Variants in SPAG16 observed in about 807,000 individuals in gnomAD.
SPAG16 encodes the protein sperm-associated antigen 16 protein.
SPAG16 carries 86 observed loss-of-function variants against 80.4 expected under a neutral mutation model. The observed-to-expected ratio is 1.07, with a 90% CI of 0.90 to 1.28. SPAG16 has a LOEUF of 1.28. Among genes scored for constraint, SPAG16 ranks in the 50% most tolerant of loss-of-function variants. The pLI is 0.00. For synonymous variants in SPAG16, 294 were observed against 265.9 expected (o/e 1.11, Z -1.03); for missense variants, 870 against 765.3 (o/e 1.14, Z -1.61).
At chr2:213,432,443 C>T (rs770609692) in intron 9 of SPAG16, among the ~76,000 whole-genome samples, 167 of 151,970 alleles carry the variant, frequency 1.1e-3, no homozygotes, top group Non-Finnish European at 1.9e-3. Context: ...AAAAGATCAC[C>T]GGAGACAACC....
chr2:214,264,144 C>T (rs1298014717), intron 15 of SPAG16, among the ~76,000 whole-genome samples: 1 of 152,186 alleles, frequency 6.6e-6, no homozygotes, highest in East Asian at 1.9e-4. Flanking sequence ...TCTGCCTATA[C>T]TCCCACCCAT....
At chr2:214,165,257 C>G (rs1159386916) in intron 15 of SPAG16, among the ~76,000 whole-genome samples, 1 of 151,832 alleles carries the variant, frequency 6.6e-6, no homozygotes, top group African/African-American at 2.4e-5. Flanking sequence ...GAGTATTTTG[C>G]TTATTCTTTC....
intron 11 of SPAG16, among the ~76,000 whole-genome samples, chr2:213,879,169 T>C (rs180822000): frequency 6.6e-6 from 1 of 152,200 alleles, no homozygotes; most frequent in East Asian, 1.9e-4. Flanking sequence ...TAGGATTTTT[T>C]TTTCTAATTC....
chr2:213,889,646 C>CATATATAT, intron 11 of SPAG16, among the ~76,000 whole-genome samples: 1 of 149,342 alleles, frequency 6.7e-6, no homozygotes, highest in Admixed American at 6.8e-5. Flanking sequence ...TATACACACA[C>CATATATAT]ACATATATAC....
intron 13 of SPAG16, among the ~76,000 whole-genome samples, chr2:214,057,652 C>A (rs2050015496): frequency 6.6e-6 from 1 of 152,174 alleles, no homozygotes; most frequent in Non-Finnish European, 1.5e-5. Flanking sequence ...TCCTCTGAAG[C>A]TTTGAAGCCA....
intron 10 of SPAG16, among the ~76,000 whole-genome samples, chr2:213,540,843 C>G (rs2076420349): frequency 6.6e-6 from 1 of 152,200 alleles, no homozygotes; most frequent in African/African-American, 2.4e-5. Context: ...AAATGCCAGA[C>G]AGAACAGGAA....
chr2:213,454,181 C>T (rs1222173508), intron 9 of SPAG16, among the ~76,000 whole-genome samples: 2 of 152,070 alleles, frequency 1.3e-5, no homozygotes, highest in African/African-American at 2.4e-5. Context: ...TTTCTCTCTT[C>T]TCTATGTAGA....
At chr2:214,233,334 A>G (rs951817784) in intron 15 of SPAG16, among the ~76,000 whole-genome samples, 4 of 144,710 alleles carry the variant, frequency 2.8e-5, no homozygotes, top group African/African-American at 1.0e-4. Context: ...TCTCAGTAAA[A>G]ATAGATAATA....
chr2:213,635,324 C>T (rs1444688771), intron 10 of SPAG16, among the ~76,000 whole-genome samples: 28 of 152,246 alleles, frequency 1.8e-4, no homozygotes, highest in South Asian at 2.1e-4. Flanking sequence ...CGTGAGCCAC[C>T]ATGCCCAGCC....
At chr2:214,268,094 A>G (rs1266732547) in intron 15 of SPAG16, among the ~76,000 whole-genome samples, 1 of 151,864 alleles carries the variant, frequency 6.6e-6, no homozygotes, top group African/African-American at 2.4e-5. Context: ...CTCTAATTAT[A>G]AGAGAAATGT....
At chr2:213,582,816 G>A (rs967644897) in intron 10 of SPAG16, among the ~76,000 whole-genome samples, 3 of 152,060 alleles carry the variant, frequency 2.0e-5, no homozygotes, top group Non-Finnish European at 4.4e-5. Context: ...TAAATAGAAT[G>A]TTCATTTTTA....
At chr2:213,476,435 G>A (rs1372596986) in intron 9 of SPAG16, among the ~76,000 whole-genome samples, 2 of 152,172 alleles carry the variant, frequency 1.3e-5, no homozygotes, top group African/African-American at 2.4e-5. Context: ...GAGGGTGAAG[G>A]GGGATTGACA....
At chr2:214,041,991 TATATATATATATATATAC>T (rs1343852473) in intron 13 of SPAG16, among the ~76,000 whole-genome samples, 6 of 127,268 alleles carry the variant, frequency 4.7e-5, no homozygotes, top group East Asian at 5.8e-4. Context: ...TATATATATA[TATATATATATATATATAC>T]ACACACACAC....
At chr2:214,271,842 A>ACCC (rs201033653) in intron 15 of SPAG16, among the ~76,000 whole-genome samples, 44 of 135,682 alleles carry the variant, frequency 3.2e-4, no homozygotes, top group Non-Finnish European at 5.7e-4. Context: ...ACTGTGGGAA[A>ACCC]CCCCCCCCCC....
chr2:213,616,910 T>C (rs1016577398), intron 10 of SPAG16, among the ~76,000 whole-genome samples: 1 of 152,162 alleles, frequency 6.6e-6, no homozygotes, highest in Non-Finnish European at 1.5e-5. Flanking sequence ...TGGAGTTACC[T>C]TGGGGTCTAG....
At chr2:213,581,144 C>T (rs991760693) in intron 10 of SPAG16, among the ~76,000 whole-genome samples, 5 of 152,070 alleles carry the variant, frequency 3.3e-5, no homozygotes, top group Non-Finnish European at 7.4e-5. Flanking sequence ...AGTAACTATG[C>T]TATAATGATC....
At chr2:213,573,140 C>T (rs2059985440) in intron 10 of SPAG16, among the ~76,000 whole-genome samples, 1 of 152,174 alleles carries the variant, frequency 6.6e-6, no homozygotes, top group African/African-American at 2.4e-5. Context: ...CACTGTCTGG[C>T]ACTCCCTAGT....
intron 15 of SPAG16, among the ~76,000 whole-genome samples, chr2:214,363,562 A>G (rs752477327): frequency 1.3e-5 from 2 of 152,132 alleles, no homozygotes; most frequent in South Asian, 4.1e-4. Context: ...CTGTCAACCT[A>G]AAAAGAAACT....
chr2:214,012,875 T>G (rs1474225801), intron 12 of SPAG16, among the ~76,000 whole-genome samples: 1 of 152,152 alleles, frequency 6.6e-6, no homozygotes, highest in Non-Finnish European at 1.5e-5. Flanking sequence ...GTTCTCAAAC[T>G]TTAACATGTA....
Sources: allele counts gnomAD v4.1 joint callset (sites outside exome capture counted in the v4.1 genomes callset), GRCh38; gene constraint gnomAD v4.1.1; transcripts MANE v1.5; gene names NCBI Gene and HGNC (gene_info 2026-07-23, HGNC 2026-07-21).